Variants in PDE1C observed in about 807,000 individuals in gnomAD.
The protein encoded by PDE1C is phosphodiesterase 1C, also known as dual specificity calcium/calmodulin-dependent 3',5'-cyclic nucleotide phosphodiesterase 1C.
PDE1C carries 62 observed loss-of-function variants against 93.1 expected under a neutral mutation model. The observed-to-expected ratio is 0.67, with a 90% CI of 0.54 to 0.82. PDE1C has a LOEUF of 0.82. PDE1C is among the 40% of genes least tolerant of loss of function. The pLI, the probability that PDE1C is intolerant of heterozygous loss-of-function variation, is 0.00. For missense variants in PDE1C, 742 were observed against 884.6 expected, an observed-to-expected ratio of 0.84 and a Z score of 2.04; for synonymous variants, 325 against 310.1, an observed-to-expected ratio of 1.05 and a Z score of -0.50.
At chr7:32,106,454 T>C (rs1047412410) in intron 3 of PDE1C, among the ~76,000 whole-genome samples, 1 of 151,894 alleles carries the variant, frequency 6.6e-6, no homozygotes, top group Non-Finnish European at 1.5e-5. Context: ...GAGACAGAGA[T>C]AGAGAGAAGT....
chr7:32,373,093 G>A (rs1784361027), intron 1 of PDE1C, among the ~76,000 whole-genome samples: 1 of 152,154 alleles, frequency 6.6e-6, no homozygotes, highest in Non-Finnish European at 1.5e-5. Flanking sequence ...ATGTGACCCA[G>A]CAATTTCACC....
chr7:32,004,854 A>T (rs1476299963), intron 2 of PDE1C, among the ~76,000 whole-genome samples: 2 of 152,234 alleles, frequency 1.3e-5, no homozygotes, highest in Non-Finnish European at 2.9e-5. Context: ...ATACTAAATT[A>T]TTGAGAACAG....
chr7:32,154,545 A>C (rs983140962), intron 3 of PDE1C, among the ~76,000 whole-genome samples: 1 of 152,224 alleles, frequency 6.6e-6, no homozygotes, highest in Admixed American at 6.5e-5. Context: ...TTTTATGCCT[A>C]GTATTTTTAC....
At chr7:32,283,815 C>T (rs1417726732) in intron 1 of PDE1C, among the ~76,000 whole-genome samples, 1 of 152,194 alleles carries the variant, frequency 6.6e-6, no homozygotes, top group Non-Finnish European at 1.5e-5. Flanking sequence ...CTACAAGTTT[C>T]CCTTCATCAC....
At chr7:31,633,788 GAATT>G in the PDE1C span, among the ~76,000 whole-genome samples, 1 of 152,316 alleles carries the variant, frequency 6.6e-6, no homozygotes, top group South Asian at 2.1e-4. Flanking sequence ...AGTTAAAGTA[GAATT>G]GATTGATGAA....
At chr7:32,231,020 T>TA (rs769541301) in intron 1 of PDE1C, among the ~76,000 whole-genome samples, 17 of 152,176 alleles carry the variant, frequency 1.1e-4, no homozygotes, top group Non-Finnish European at 1.6e-4. Context: ...GATAATTATT[T>TA]AAATGAGAAA....
At chr7:32,374,350 G>T (rs543709889) in intron 1 of PDE1C, among the ~76,000 whole-genome samples, 1 of 152,220 alleles carries the variant, frequency 6.6e-6, no homozygotes, top group African/African-American at 2.4e-5. Context: ...TTGAATCTGG[G>T]TAGACTTACG....
intron 2 of PDE1C, among the ~76,000 whole-genome samples, chr7:32,201,821 ATATT>A (rs1181384067): frequency 6.6e-6 from 1 of 152,214 alleles, no homozygotes; most frequent in African/African-American, 2.4e-5. Flanking sequence ...ATTGCAGTGC[ATATT>A]GTGGCTCTCT....
chr7:32,141,620 C>A (rs886868139), intron 3 of PDE1C, among the ~76,000 whole-genome samples: 26 of 152,164 alleles, frequency 1.7e-4, no homozygotes, highest in African/African-American at 6.3e-4. Context: ...TTGAGGTCAT[C>A]CAAAGGAAAG....
intron 1 of PDE1C, among the ~76,000 whole-genome samples, chr7:32,256,410 C>G (rs566185972): frequency 2.0e-5 from 3 of 152,316 alleles, no homozygotes; most frequent in Non-Finnish European, 4.4e-5. Flanking sequence ...AATCAGGCAT[C>G]TGAGCCAGTT....
At chr7:32,211,861 A>G (rs1423839388) in intron 1 of PDE1C, among the ~76,000 whole-genome samples, 1 of 151,840 alleles carries the variant, frequency 6.6e-6, no homozygotes, top group Non-Finnish European at 1.5e-5. Flanking sequence ...GTCTCCACAA[A>G]AAAAGTTTTA....
At chr7:31,800,944 G>T (rs560118149) in intron 16 of PDE1C, among the ~76,000 whole-genome samples, 25 of 151,112 alleles carry the variant, frequency 1.7e-4, no homozygotes, top group African/African-American at 5.6e-4. Context: ...AAAGTATTTT[G>T]AGCTGAATGT....
At chr7:32,082,616 C>T (rs913051186) in intron 3 of PDE1C, among the ~76,000 whole-genome samples, 2 of 152,230 alleles carry the variant, frequency 1.3e-5, no homozygotes, top group Non-Finnish European at 2.9e-5. Context: ...TAGGGGCAGA[C>T]TGACACCTCA....
chr7:32,055,034 C>G (rs926144652), intron 1 of PDE1C, among the ~76,000 whole-genome samples: 3 of 152,176 alleles, frequency 2.0e-5, no homozygotes, highest in Admixed American at 6.5e-5. Context: ...CCACATTGCA[C>G]TTATGACTGC....
chr7:32,120,296 C>G (rs1304137093), intron 3 of PDE1C, among the ~76,000 whole-genome samples: 1 of 152,226 alleles, frequency 6.6e-6, no homozygotes, highest in African/African-American at 2.4e-5. Flanking sequence ...GACCGTCATA[C>G]TTAGCCTTTC....
At chr7:32,027,882 T>C (rs1315571902) in intron 2 of PDE1C, among the ~76,000 whole-genome samples, 2 of 152,060 alleles carry the variant, frequency 1.3e-5, no homozygotes, top group Non-Finnish European at 2.9e-5. Context: ...TGAAATCATA[T>C]TAAATCTTCA....
At chr7:32,023,143 T>A (rs556134054) in intron 2 of PDE1C, among the ~76,000 whole-genome samples, 16 of 152,168 alleles carry the variant, frequency 1.1e-4, no homozygotes, top group Admixed American at 3.3e-4. Context: ...AACTAAGAAA[T>A]AGGACATACT....
intron 3 of PDE1C, among the ~76,000 whole-genome samples, chr7:32,131,477 A>G (rs1022271495): frequency 6.6e-6 from 1 of 152,166 alleles, no homozygotes; most frequent in Non-Finnish European, 1.5e-5. Context: ...AATACTTAGA[A>G]GGAAGTATCA....
chr7:32,191,890 T>C lies in PDE1C; in HGVS notation c.136+17599A>G, dbSNP rs1188329354. The stretch of plus-strand genomic sequence containing the variant: ...GAGTGATCACCATTTTTATTTTAGC[T>C]GTTCGGGTAGGTGTGCAGTGGTATC... On this transcript the variant is annotated intron_variant, in intron 2 of 18. Transcript: ENST00000396193. Among the ~76,000 whole-genome samples the C allele has an allele frequency of 2.0e-5, 3 of 152,192 alleles. No homozygotes were observed. The East Asian group carries it at 5.8e-4, about 29-fold the overall frequency.
Sources: allele counts gnomAD v4.1 joint callset (sites outside exome capture counted in the v4.1 genomes callset), GRCh38; gene constraint gnomAD v4.1.1; transcripts MANE v1.5; gene names NCBI Gene and HGNC (gene_info 2026-07-23, HGNC 2026-07-21).